DAD1: variants seen among roughly 807,000 people sequenced by gnomAD.
DAD1 encodes dolichyl-diphosphooligosaccharide--protein glycosyltransferase subunit DAD1.
Under a neutral mutation model 9.0 loss-of-function variants are expected in DAD1, and 4 were observed. That is an observed-to-expected ratio of 0.44 (90% CI 0.22 to 1.01). The LOEUF is 1.01. Ranked by LOEUF, DAD1 falls within the 50% of genes least tolerant of loss-of-function variation. The pLI, the probability that DAD1 is intolerant of heterozygous loss-of-function variation, is 0.24. For synonymous variants in DAD1, 60 were observed against 62.5 expected (o/e 0.96, Z 0.19); for missense variants, 119 against 137.3 (o/e 0.87, Z 0.67).
At position 22,569,019 on chromosome 14, in the gene DAD1, A is replaced by G. The variant is rs535040357; in HGVS notation, c.*45-3882T>C. 2.6e-5 allele frequency among the ~76,000 whole-genome samples: 4 copies of G among 152,234 alleles called. No homozygotes were observed. In the South Asian group the frequency reaches 8.3e-4, roughly 32 times the overall value. On this transcript the variant is annotated intron_variant, in intron 2 of 2. Coordinates refer to ENST00000250498, the MANE Select transcript of DAD1 (RefSeq NM_001344.4). ...AGCCCCTCCTCTGACTTCTTGTCTCATGCTCTTCCCCACCCCACAGCCTCT... is the reference window on the plus strand; with the variant it reads ...AGCCCCTCCTCTGACTTCTTGTCTCGTGCTCTTCCCCACCCCACAGCCTCT...
intron 1 of DAD1, among the ~76,000 whole-genome samples, chr14:22,582,392 C>T (rs1227664365): frequency 2.7e-5 from 4 of 149,846 alleles, no homozygotes; most frequent in Non-Finnish European, 5.9e-5. Context: ...GTCATTGTGG[C>T]GGGTGCCTGT....
At chr14:22,585,702 A>C (rs1215969715) in intron 1 of DAD1, among the ~76,000 whole-genome samples, 1 of 152,198 alleles carries the variant, frequency 6.6e-6, no homozygotes, top group Non-Finnish European at 1.5e-5. Flanking sequence ...CATCAGGCCC[A>C]ATAACAACAG....
At chr14:22,571,225 G>T (rs999279425) in intron 2 of DAD1, among the ~76,000 whole-genome samples, 1 of 122,634 alleles carries the variant, frequency 8.2e-6, no homozygotes, top group Non-Finnish European at 1.6e-5. Flanking sequence ...TGCGGCAGGA[G>T]AATTGCTTGA....
At chr14:22,588,501 C>T (rs1216921336) in intron 1 of DAD1, among the ~76,000 whole-genome samples, 3 of 152,194 alleles carry the variant, frequency 2.0e-5, no homozygotes, top group African/African-American at 4.8e-5. Flanking sequence ...GATGATTCAA[C>T]AAGAAAAGCA....
At chr14:22,579,718 G>A (rs2037102390) in intron 1 of DAD1, among the ~76,000 whole-genome samples, 1 of 151,760 alleles carries the variant, frequency 6.6e-6, no homozygotes, top group Non-Finnish European at 1.5e-5. Flanking sequence ...AACATCAAGG[G>A]GATTAAACTA....
intron 1 of DAD1, among the ~76,000 whole-genome samples, chr14:22,582,109 A>C (rs552344755): frequency 6.6e-6 from 1 of 152,294 alleles, no homozygotes; most frequent in Admixed American, 6.5e-5. Context: ...AGGGAGGCTG[A>C]GGCAGAAGAA....
rs147132263 is a variant in DAD1 at position 22,585,666 on chromosome 14, T to G, written c.211+3281A>C. On this transcript the variant is annotated intron_variant, in intron 1 of 2. Coordinates refer to ENST00000250498, the MANE Select transcript of DAD1 (RefSeq NM_001344.4). Reference sequence around the variant, plus strand: ...GTTAAGTCTCTCAGCTATGAGGGAATAGAAGAAAACAGACTATTTTCATAC... The same window carrying G: ...GTTAAGTCTCTCAGCTATGAGGGAAGAGAAGAAAACAGACTATTTTCATAC... Among the ~76,000 whole-genome samples the G allele has an allele frequency of 3.3e-5, 5 of 152,200 alleles. No individual in the cohort carries two copies. The East Asian group carries it at 9.6e-4, about 29-fold the overall frequency.
intron 1 of DAD1, among the ~76,000 whole-genome samples, chr14:22,579,760 T>C (rs1472702835): frequency 6.6e-6 from 1 of 152,032 alleles, no homozygotes; most frequent in African/African-American, 2.4e-5. Flanking sequence ...TCCCATGCAA[T>C]TATTCAAAAG....
At chr14:22,572,044 A>G (rs2037045027) in intron 2 of DAD1, among the ~76,000 whole-genome samples, 1 of 152,212 alleles carries the variant, frequency 6.6e-6, no homozygotes, top group African/African-American at 2.4e-5. Flanking sequence ...TACTTAAAGC[A>G]TAGCACACAC....
At chr14:22,574,790 A>C (rs1327521767) in intron 2 of DAD1, among the ~76,000 whole-genome samples, 2 of 152,230 alleles carry the variant, frequency 1.3e-5, no homozygotes, top group Non-Finnish European at 2.9e-5. Flanking sequence ...ATTTTCGTGG[A>C]GTTATTGGTA....
chr14:22,587,549 C>T (rs2037161885), intron 1 of DAD1, among the ~76,000 whole-genome samples: 1 of 152,118 alleles, frequency 6.6e-6, no homozygotes, highest in Non-Finnish European at 1.5e-5. Context: ...TCTTGGTCAT[C>T]TAGGACAAAA....
intron 1 of DAD1, 115 bp downstream of exon 1, chr14:22,588,832 A>G: frequency 9.5e-7 from 1 of 1,051,646 alleles, no homozygotes; most frequent in Non-Finnish European, 1.4e-6. Flanking sequence ...CAAAAGGGCA[A>G]TGCAGGCTCT....
At chr14:22,565,384 T>C (rs569965914) in intron 2 of DAD1, among the ~76,000 whole-genome samples, 5 of 152,216 alleles carry the variant, frequency 3.3e-5, no homozygotes, top group Non-Finnish European at 7.3e-5. Context: ...AACTAGGAAC[T>C]GTGAGACATG....
At chr14:22,566,174 GTAT>G (rs1160806068) in intron 2 of DAD1, among the ~76,000 whole-genome samples, 3 of 152,138 alleles carry the variant, frequency 2.0e-5, no homozygotes, top group African/African-American at 7.2e-5. Context: ...TGAATCAGTG[GTAT>G]TATAAGAAAT....
intron 1 of DAD1, among the ~76,000 whole-genome samples, chr14:22,576,408 G>A (rs1244735401): frequency 6.6e-6 from 1 of 152,126 alleles, no homozygotes; most frequent in Non-Finnish European, 1.5e-5. Flanking sequence ...ATATCCATAG[G>A]CAAAAGAATG....
intron 2 of DAD1, among the ~76,000 whole-genome samples, chr14:22,565,728 G>A (rs1445583289): frequency 6.6e-6 from 1 of 152,212 alleles, no homozygotes; most frequent in Non-Finnish European, 1.5e-5. Context: ...ATTGCTGCTA[G>A]AGCCAAATGG....
intron 1 of DAD1, among the ~76,000 whole-genome samples, chr14:22,588,144 T>G (rs1017229769): frequency 5.3e-5 from 8 of 152,224 alleles, no homozygotes; most frequent in African/African-American, 1.9e-4. Context: ...CATATTGGAC[T>G]GAAAATACAA....
At chr14:22,584,290 G>T (rs1427878490) in intron 1 of DAD1, among the ~76,000 whole-genome samples, 1 of 152,054 alleles carries the variant, frequency 6.6e-6, no homozygotes, top group East Asian at 1.9e-4. Flanking sequence ...GCCCTCAAGG[G>T]CTCACCTTCC....
rs5742789 is a variant in DAD1 at position 22,576,463 on chromosome 14, G to A, written c.212-1230C>T. ...TACCATATACTACAAAAATTAACTCGAAACGGATCAAAGACCTAAATCCGA... is the reference window on the plus strand; with the variant it reads ...TACCATATACTACAAAAATTAACTCAAAACGGATCAAAGACCTAAATCCGA... On this transcript the variant is annotated intron_variant, in intron 1 of 2. Coordinates refer to ENST00000250498, the MANE Select transcript of DAD1 (RefSeq NM_001344.4). Among the ~76,000 whole-genome samples the A allele has an allele frequency of 4.8e-3, 733 of 152,138 alleles. 5 individuals carry two copies. The highest frequency in any genetic ancestry group is 0.014 in the Middle Eastern group (4 of 294).
Sources: allele counts gnomAD v4.1 joint callset (sites outside exome capture counted in the v4.1 genomes callset), GRCh38; gene constraint gnomAD v4.1.1; transcripts MANE v1.5; gene names NCBI Gene and HGNC (gene_info 2026-07-23, HGNC 2026-07-21).